Variants in NHSL1 observed in about 807,000 individuals in gnomAD.
The protein encoded by NHSL1 is NHS like 1, also known as NHS-like protein 1.
A neutral mutation model predicts 95.0 loss-of-function variants in NHSL1; 48 were observed. The ratio of observed to expected loss-of-function variants is 0.51; its 90% CI spans 0.40 to 0.64. The LOEUF (loss-of-function observed/expected upper bound fraction) is 0.64. Among genes scored for constraint, NHSL1 ranks in the 30% least tolerant of loss-of-function variants. The probability of loss-of-function intolerance (pLI) is 0.00; values close to 1 mark genes in which losing one functional copy is unlikely to be tolerated. For missense variants in NHSL1, 1,971 were observed against 2,077.7 expected, an observed-to-expected ratio of 0.95 and a Z score of 1.00; for synonymous variants, 783 against 833.9, an observed-to-expected ratio of 0.94 and a Z score of 1.05.
intron 3 of NHSL1, among the ~76,000 whole-genome samples, chr6:138,471,360 T>G (rs370447908): frequency 6.6e-6 from 1 of 152,210 alleles, no homozygotes; most frequent in Non-Finnish European, 1.5e-5. Flanking sequence ...AAGGCTAAAG[T>G]GTATCTGAAT....
chr6:138,516,232 C>T (rs1001515729), intron 1 of NHSL1, among the ~76,000 whole-genome samples: 1 of 152,176 alleles, frequency 6.6e-6, no homozygotes, highest in Non-Finnish European at 1.5e-5. Flanking sequence ...GTAAGGTACA[C>T]AGCTGAGGGA....
intron 3 of NHSL1, among the ~76,000 whole-genome samples, chr6:138,466,628 T>C (rs1778398066): frequency 6.6e-6 from 1 of 152,332 alleles, no homozygotes; most frequent in East Asian, 1.9e-4. Context: ...ACAGGCCGCA[T>C]ATATGATGGT....
At chr6:138,689,123 A>T (rs910480981) in intron 1 of NHSL1, among the ~76,000 whole-genome samples, 27 of 152,192 alleles carry the variant, frequency 1.8e-4, no homozygotes, top group African/African-American at 6.3e-4. Flanking sequence ...TCTTCCTGAC[A>T]GTAAGCACTA....
Position 138,447,202 on chromosome 6 carries a change from A to T in NHSL1, c.340-9T>A. 6.5e-7 allele frequency: 1 copy of T among 1,548,268 alleles called. No homozygotes were observed. Among genetic ancestry groups the T allele is most frequent in the Non-Finnish European group, 8.7e-7 (1 of 1,145,506 alleles). On this transcript the variant is annotated splice_polypyrimidine_tract_variant and intron_variant, in intron 3 of 7. Coordinates refer to ENST00000343505, the MANE Select transcript of NHSL1 (RefSeq NM_001144060.2). ...GATGAAGACAGAGAACACTGCAGAG[A>T]AAAAAGAAGCAGCAGCCACAGTGTA...
intron 1 of NHSL1, among the ~76,000 whole-genome samples, chr6:138,670,344 C>T (rs1785347857): frequency 6.7e-6 from 1 of 149,218 alleles, no homozygotes; most frequent in South Asian, 2.2e-4. Context: ...CAGAAAAAAA[C>T]AACTTGCAGC....
chr6:138,548,142 C>T (rs937495986), upstream of NHSL1, among the ~76,000 whole-genome samples: 9 of 152,014 alleles, frequency 5.9e-5, no homozygotes, highest in African/African-American at 1.7e-4. Context: ...CCACCATGCC[C>T]GGCTAATTTT....
intron 1 of NHSL1, among the ~76,000 whole-genome samples, chr6:138,687,004 G>A (rs1785592785): frequency 6.6e-6 from 1 of 152,118 alleles, no homozygotes; most frequent in South Asian, 2.1e-4. Context: ...TGAGGGACTG[G>A]GATTAGAGGG....
chr6:138,430,743 A>G lies in NHSL1; in HGVS notation c.3602T>C (p.Leu1201Pro). Residue 1201 changes from leucine to proline, a missense_variant, in exon 6 of 8, where the codon CTG becomes CCG. Coordinates refer to ENST00000343505, the MANE Select transcript of NHSL1 (RefSeq NM_001144060.2). The surrounding 1 kb of genome is among the most constrained non-coding windows in gnomAD (Gnocchi z 4.7). ...KPPPISKKPK[L>P]FLVVPPPQKD... ...CTGCGGAGGTGGTACCACCAGGAAC[A>G]GTTTGGGCTTCTTGGAAATGGGGGG... is the stretch of plus-strand genomic sequence containing the variant. 6.4e-7 allele frequency: 1 copy of G among 1,551,654 alleles called. No individual in the cohort carries two copies. The highest frequency in any genetic ancestry group is 8.7e-7 in the Non-Finnish European group (1 of 1,146,992).
At chr6:138,588,031 C>T (rs1049167405) in intron 1 of NHSL1, among the ~76,000 whole-genome samples, 34 of 152,394 alleles carry the variant, frequency 2.2e-4, no homozygotes, top group African/African-American at 7.7e-4. Flanking sequence ...CCCTTGGCGG[C>T]AGGAATCACA....
chr6:138,549,118 T>C (rs1432164713), upstream of NHSL1, among the ~76,000 whole-genome samples: 1 of 152,146 alleles, frequency 6.6e-6, no homozygotes, highest in African/African-American at 2.4e-5. Context: ...GCATGGTGGC[T>C]CATGCCTGTA....
intron 1 of NHSL1, among the ~76,000 whole-genome samples, chr6:138,607,785 G>A (rs1784454671): frequency 6.6e-6 from 1 of 152,148 alleles, no homozygotes; most frequent in African/African-American, 2.4e-5. Flanking sequence ...CTACTCCAAG[G>A]AATTATATTC....
At chr6:138,456,140 T>C (rs1234252674) in intron 3 of NHSL1, among the ~76,000 whole-genome samples, 1 of 151,656 alleles carries the variant, frequency 6.6e-6, no homozygotes, top group African/African-American at 2.4e-5. Context: ...CCTCTGAGAG[T>C]GAAAGGGGGT....
In NHSL1 at chr6:138,429,624, C is replaced by A. The variant is rs773799206; in HGVS notation, c.4085+87G>T. 2.1e-5 allele frequency: 26 copies of A among 1,261,574 alleles called. No individual in the cohort carries two copies. The Middle Eastern group carries it at 7.8e-4, about 38-fold the overall frequency. The allele number at this position is 1,261,574 out of a possible 1,614,324, so 78.1% of individuals were successfully genotyped here. A position where few individuals can be genotyped will look rare whatever the true frequency, so the allele number is the denominator to read the frequency against. On this transcript the variant is annotated intron_variant, in intron 7 of 7. Coordinates refer to ENST00000343505, the MANE Select transcript of NHSL1 (RefSeq NM_001144060.2). ...AGTTATGATTGGGTGACAGAAGAAACCTCAAGGAAGAAAAGTAAATTGAGG... is the reference window on the plus strand; with the variant it reads ...AGTTATGATTGGGTGACAGAAGAAAACTCAAGGAAGAAAAGTAAATTGAGG...
At chr6:138,668,597 A>G (rs1044216451) in intron 1 of NHSL1, among the ~76,000 whole-genome samples, 2 of 152,118 alleles carry the variant, frequency 1.3e-5, no homozygotes, top group South Asian at 4.1e-4. Context: ...GAAAGAAAAA[A>G]AGAATTTAAA....
At chr6:138,528,562 A>C (rs1053407679) in intron 1 of NHSL1, among the ~76,000 whole-genome samples, 1 of 152,258 alleles carries the variant, frequency 6.6e-6, no homozygotes, top group African/African-American at 2.4e-5. Flanking sequence ...AAATGTAGGC[A>C]GTAATCACTT....
intron 3 of NHSL1, among the ~76,000 whole-genome samples, chr6:138,468,627 C>T (rs929322729): frequency 1.1e-4 from 17 of 152,132 alleles, no homozygotes; most frequent in African/African-American, 4.1e-4. Flanking sequence ...CCCAAAACTG[C>T]CCCACCCACC....
chr6:138,658,248 T>C (rs192193592), intron 1 of NHSL1, among the ~76,000 whole-genome samples: 3 of 152,360 alleles, frequency 2.0e-5, no homozygotes, highest in Admixed American at 6.5e-5. Context: ...ACAAATTTCA[T>C]ACATTATCAT....
Position 138,522,412 on chromosome 6 carries a change from C to A in NHSL1, c.16+23211G>T, listed in dbSNP as rs140378232. On this transcript the variant is annotated intron_variant, in intron 1 of 4. Coordinates refer to the NHSL1 transcript ENST00000342260. The stretch of plus-strand genomic sequence containing the variant: ...ATCCCAGCACTTTGGGAGGCCAAGG[C>A]GGATGGATCACCTAAGGTCAGCAGT... 4.7e-3 allele frequency among the ~76,000 whole-genome samples: 712 copies of A among 152,262 alleles called. 3 individuals are homozygous for A. Among genetic ancestry groups the A allele is most frequent in the African/African-American group, 0.016 (679 of 41,544 alleles).
intron 1 of NHSL1, among the ~76,000 whole-genome samples, chr6:138,540,825 C>A (rs978585329): frequency 2.6e-5 from 4 of 152,140 alleles, no homozygotes; most frequent in African/African-American, 7.2e-5. Context: ...TGGGACACAC[C>A]CAATTCCACA....
Sources: gnomAD v4.1 joint callset for allele counts (sites outside exome capture counted in the v4.1 genomes callset) on GRCh38, gnomAD v4.1.1 for gene constraint, Gnocchi (gnomAD v3.1) non-coding constraint, MANE v1.5 for transcripts, NCBI Gene and HGNC (gene_info 2026-07-23, HGNC 2026-07-21) for gene names.